The following PTK2B variants were observed in gnomAD, a reference collection of about 807,000 sequenced individuals.
PTK2B encodes protein-tyrosine kinase 2-beta.
In PTK2B, 71 loss-of-function variants were observed where a neutral mutation model predicts 142.9. The observed-to-expected ratio is 0.50, with a 90% CI of 0.41 to 0.61. The LOEUF is 0.61. PTK2B is among the 20% of genes least tolerant of loss of function. The pLI is 0.00. For synonymous variants in PTK2B, 519 were observed against 503.4 expected (o/e 1.03, Z -0.42); for missense variants, 1,105 against 1,320.4 (o/e 0.84, Z 2.53).
At chr8:27,356,834 C>T (rs1805419884) in intron 1 of PTK2B, among the ~76,000 whole-genome samples, 2 of 152,168 alleles carry the variant, frequency 1.3e-5, no homozygotes, top group African/African-American at 4.8e-5. Flanking sequence ...TGTATGATTC[C>T]ATTGACATCA....
intron 2 of PTK2B, among the ~76,000 whole-genome samples, chr8:27,400,225 A>AAACAATTCTG (rs1169433736): frequency 6.6e-6 from 1 of 152,214 alleles, no homozygotes; most frequent in African/African-American, 2.4e-5. Flanking sequence ...ATGTTTGGTT[A>AAACAATTCTG]AACAATTCTG....
At chr8:27,400,506 G>A (rs924793064) in intron 2 of PTK2B, among the ~76,000 whole-genome samples, 1 of 151,402 alleles carries the variant, frequency 6.6e-6, no homozygotes, top group African/African-American at 2.4e-5. Flanking sequence ...TGGTCATACT[G>A]CAAAAGGAAA....
rs59096481 is a variant in PTK2B, at chr8:27,382,582, A to T, written c.-37-14966A>T. Reference sequence around the variant, plus strand: ...TTTTTTTTTTTAATCCCATGTGCCTATTTTTGCTTCTGTTACCTGTGTTTT... The same window carrying T: ...TTTTTTTTTTTAATCCCATGTGCCTTTTTTTGCTTCTGTTACCTGTGTTTT... On this transcript the variant is annotated intron_variant, in intron 1 of 30. Transcript: ENST00000346049. Among the ~76,000 whole-genome samples the T allele has an allele frequency of 9.2e-4, 140 of 151,582 alleles. 1 individual carries two copies. Among genetic ancestry groups the T allele is most frequent in the African/African-American group, 3.1e-3 (130 of 41,312 alleles).
chr8:27,451,823 G>A (rs532670297), intron 27 of PTK2B: 28 of 1,187,690 alleles, frequency 2.4e-5, no homozygotes, highest in South Asian at 1.5e-4. Flanking sequence ...CTGCTCTGTT[G>A]GAAGCTCCCG....
chr8:27,456,866 C>T (rs946933706), intron 30 of PTK2B, among the ~76,000 whole-genome samples: 2 of 152,180 alleles, frequency 1.3e-5, no homozygotes, highest in African/African-American at 2.4e-5. Flanking sequence ...TCCCCTTATG[C>T]CAAAGCCTAA....
chr8:27,408,073 G>A (rs1808832486), intron 2 of PTK2B, among the ~76,000 whole-genome samples: 1 of 152,186 alleles, frequency 6.6e-6, no homozygotes, highest in South Asian at 2.1e-4. Flanking sequence ...GAAGGCCTCA[G>A]CAGCAGCCTC....
At chr8:27,452,990 A>G in intron 27 of PTK2B, 124 bp from the exon 28 acceptor site, 1 of 1,173,024 alleles carries the variant, frequency 8.5e-7, no homozygotes, top group Non-Finnish European at 1.2e-6. Flanking sequence ...TCCTGGATTC[A>G]GAGTTAATTT....
chr8:27,431,518 C>T (rs376140836), intron 9 of PTK2B, 46 bp downstream of exon 9: 15 of 1,608,922 alleles, frequency 9.3e-6, no homozygotes, highest in Admixed American at 5.0e-5. Flanking sequence ...GCGGGGAGGT[C>T]GTCCCCTCTC....
At chr8:27,368,857 C>A (rs1806173211) in intron 1 of PTK2B, among the ~76,000 whole-genome samples, 1 of 152,066 alleles carries the variant, frequency 6.6e-6, no homozygotes, top group Non-Finnish European at 1.5e-5. Flanking sequence ...GCCCCGGAGA[C>A]CCTGGAAAGA....
At chr8:27,376,159 C>T (rs1806656738) in intron 1 of PTK2B, among the ~76,000 whole-genome samples, 1 of 152,222 alleles carries the variant, frequency 6.6e-6, no homozygotes, top group Admixed American at 6.5e-5. Flanking sequence ...GTCTAAAGTC[C>T]TCAGAACCCA....
At chr8:27,328,758 A>G (rs1005940231) in intron 1 of PTK2B, among the ~76,000 whole-genome samples, 5 of 152,228 alleles carry the variant, frequency 3.3e-5, no homozygotes, top group Admixed American at 6.5e-5. Flanking sequence ...GCCCATGCAC[A>G]TTCTCAGGGA....
chr8:27,357,047 A>C (rs1473318558), intron 1 of PTK2B, among the ~76,000 whole-genome samples: 1 of 152,216 alleles, frequency 6.6e-6, no homozygotes, highest in Non-Finnish European at 1.5e-5. Flanking sequence ...TACCACACAC[A>C]CCCACACATA....
At chr8:27,375,185 G>A (rs998634297) in intron 1 of PTK2B, among the ~76,000 whole-genome samples, 40 of 152,216 alleles carry the variant, frequency 2.6e-4, no homozygotes, top group Non-Finnish European at 5.3e-4. Flanking sequence ...TGCCAAGGCT[G>A]CAGCATAGGG....
At chr8:27,424,464 G>T (rs1563274699) in intron 5 of PTK2B, among the ~76,000 whole-genome samples, 1 of 152,212 alleles carries the variant, frequency 6.6e-6, no homozygotes, top group Non-Finnish European at 1.5e-5. Context: ...TTGTGCAAGA[G>T]ATGTATTGTT....
At chr8:27,346,127 G>GGCATAT (rs1329606146) in intron 1 of PTK2B, among the ~76,000 whole-genome samples, 81 of 152,318 alleles carry the variant, frequency 5.3e-4, no homozygotes, top group African/African-American at 1.9e-3. Context: ...TCAGGACTAT[G>GGCATAT]GCATATGTTA....
At chr8:27,432,427 C>T (rs763183706) in intron 10 of PTK2B, 66 bp downstream of exon 10, 7 of 1,475,624 alleles carry the variant, frequency 4.7e-6, no homozygotes, top group Non-Finnish European at 6.5e-6. Flanking sequence ...ATTGGGAGCT[C>T]TTGCTCAGAC....
At chr8:27,397,934 C>A in intron 2 of PTK2B, 146 bp downstream of exon 2, 1 of 982,330 alleles carries the variant, frequency 1.0e-6, no homozygotes, top group East Asian at 2.6e-5. Flanking sequence ...ATGTGCTCAG[C>A]CTGCATCACC....
At chr8:27,387,205 A>G (rs11777664) in intron 1 of PTK2B, among the ~76,000 whole-genome samples, 58,675 of 151,858 alleles carry the variant, frequency 0.39, 11,830 homozygotes, top group Middle Eastern at 0.5. Flanking sequence ...GGTACAGTGG[A>G]AAATCTGAGC....
chr8:27,430,926 G>A lies in PTK2B; in HGVS notation c.720G>A (p.Ser240=), dbSNP rs141577958. Reference sequence around the variant, plus strand: ...AGCAGACCTTCCAGCAGTACGCCTCGCTCAGGGAGGAGGAGTGCGTCATGA... The same window carrying A: ...AGCAGACCTTCCAGCAGTACGCCTCACTCAGGGAGGAGGAGTGCGTCATGA... ...MIQQTFQQYA[S]LREEECVMKF... is the part of the protein sequence containing the mutation. The change falls in exon 8 of 31, where the codon TCG becomes TCA. Residue 240 remains serine (S), a synonymous_variant. Transcript: ENST00000346049. The A allele has an allele frequency of 8.4e-5, 136 of 1,614,174 alleles. No individual in the cohort carries two copies. The East Asian group carries it at 2.1e-3, about 25-fold the overall frequency.
Sources: allele counts gnomAD v4.1 joint callset (sites outside exome capture counted in the v4.1 genomes callset), GRCh38; gene constraint gnomAD v4.1.1; transcripts MANE v1.5; gene names NCBI Gene and HGNC (gene_info 2026-07-23, HGNC 2026-07-21).